The following SIVA1 variants were observed in gnomAD, a reference collection of about 807,000 sequenced individuals.
The protein encoded by SIVA1 is SIVA1 apoptosis inducing factor, also known as apoptosis regulatory protein Siva.
SIVA1 carries 10 observed loss-of-function variants against 19.7 expected under a neutral mutation model. The observed-to-expected ratio is 0.51, with a 90% CI of 0.31 to 0.86. SIVA1 has a LOEUF of 0.86. SIVA1 is among the 40% of genes least tolerant of loss of function. The pLI is 0.04. For synonymous variants in SIVA1, 130 were observed against 106.1 expected, an observed-to-expected ratio of 1.23 and a Z score of -1.39; for missense variants, 241 against 245.2, an observed-to-expected ratio of 0.98 and a Z score of 0.11.
chr14:104,753,194 C>T lies in SIVA1; in HGVS notation c.-8C>T, dbSNP rs1220799348. ...CCGGGGAGCTGCGTAGCTCCCGGCC[C>T]CGCGGCCATGCCCAAGCGGAGCTGC... On this transcript the variant is annotated 5_prime_UTR_variant, in exon 1 of 4. Transcript: ENST00000329967. 3.2e-6 allele frequency: 5 copies of T among 1,555,502 alleles called. No homozygotes were observed. Among genetic ancestry groups the T allele is most frequent in the South Asian group, 1.2e-5 (1 of 86,088 alleles).
Position 104,759,291 on chromosome 14 carries a change from C to G in SIVA1, c.471-137C>G. The stretch of plus-strand genomic sequence containing the variant: ...CCGTCATCTAGACTGATGATGCCCG[C>G]AGTGATCCTGTCTCCAGATAAGGTC... On this transcript the variant is annotated intron_variant, in intron 3 of 3. Coordinates refer to ENST00000329967, the MANE Select transcript of SIVA1 (RefSeq NM_006427.4). This position sits in a 1 kb window ranked among gnomAD's most constrained non-coding sequence, Gnocchi z 4.2. 1 of 668,022 alleles carries G rather than the reference C, an allele frequency of 1.5e-6. No individual in the cohort carries two copies. The highest frequency in any genetic ancestry group is 2.0e-5 in the South Asian group (1 of 51,010). The allele number at this position is 668,022 out of a possible 1,614,324, so 41.4% of individuals were successfully genotyped here.
intron 2 of SIVA1, 133 bp from the exon 3 acceptor site, chr14:104,756,471 T>C: frequency 5.3e-6 from 5 of 945,540 alleles, no homozygotes; most frequent in Non-Finnish European, 8.3e-6. Context: ...GTCAGAAGGA[T>C]CCAGTGTAGG....
At chr14:104,756,129 C>A (rs1393825945) in intron 2 of SIVA1, 2 of 527,136 alleles carry the variant, frequency 3.8e-6, no homozygotes, top group South Asian at 1.8e-5. Context: ...CAGTCCCATC[C>A]CTATGCAGTG....
chr14:104,756,214 G>A (rs1005492242), intron 2 of SIVA1: 2 of 436,856 alleles, frequency 4.6e-6, no homozygotes, highest in Non-Finnish European at 8.5e-6. Flanking sequence ...TGGTTGGTGT[G>A]TCTAGGAGGA....
At chr14:104,756,781 A>G in intron 3 of SIVA1, 21 bp downstream of exon 3, 5 of 1,593,400 alleles carry the variant, frequency 3.1e-6, no homozygotes, top group Non-Finnish European at 4.3e-6. Context: ...CAGTCCCTGG[A>G]GCTGCTGAGA....
At chr14:104,756,185 C>G in intron 2 of SIVA1, 1 of 443,490 alleles carries the variant, frequency 2.3e-6, no homozygotes, top group Non-Finnish European at 4.2e-6. Flanking sequence ...AAATGCAATC[C>G]CCGACTCTAC....
At chr14:104,753,415 G>A (rs915064147) in intron 1 of SIVA1, 96 bp downstream of exon 1, 4 of 822,238 alleles carry the variant, frequency 4.9e-6, no homozygotes, top group African/African-American at 3.6e-5. Context: ...GGGGGCTGGA[G>A]GGCCCTGCTT....
intron 1 of SIVA1, chr14:104,753,821 G>A (rs1451270404): frequency 5.5e-5 from 25 of 452,306 alleles, no homozygotes; most frequent in Non-Finnish European, 9.8e-5. Context: ...CCCGTCTCCC[G>A]GGAGCTCCCC....
Position 104,759,265 on chromosome 14 carries a change from G to GCCGTCATCTAGACTGATGATGC in SIVA1, c.471-159_471-138dup. 1.9e-6 allele frequency: 1 copy of GCCGTCATCTAGACTGATGATGC among 533,946 alleles called. No individual in the cohort carries two copies. The highest frequency in any genetic ancestry group is 3.3e-6 in the Non-Finnish European group (1 of 303,044). The allele number at this position is 533,946 out of a possible 1,614,324, so 33.1% of individuals were successfully genotyped here. A position where few individuals can be genotyped will look rare whatever the true frequency, so the allele number is the denominator to read the frequency against. Reference sequence around the variant, plus strand: ...GTTGCCTTAGGGCCCCCATGTCAGTGCCGTCATCTAGACTGATGATGCCCG... The same window carrying GCCGTCATCTAGACTGATGATGC: ...GTTGCCTTAGGGCCCCCATGTCAGTGCCGTCATCTAGACTGATGATGCCCGTCATCTAGACTGATGATGCCCG... On this transcript the variant is annotated intron_variant, in intron 3 of 3. Transcript: ENST00000329967. The surrounding 1 kb of genome is among the most constrained non-coding windows in gnomAD (Gnocchi z 4.2).
At chr14:104,758,633 G>A (rs1891986069) in intron 3 of SIVA1, 2 of 152,108 alleles carry the variant, frequency 1.3e-5, no homozygotes, top group African/African-American at 4.8e-5. Context: ...GGAGTTACAG[G>A]CGTGCGCTAG....
At position 104,755,640 on chromosome 14, in the gene SIVA1, G is replaced by T. The variant is rs749751578; in HGVS notation, c.129G>T (p.Lys43Asn). 2 of 1,612,384 alleles carry T rather than the reference G, an allele frequency of 1.2e-6. No homozygotes were observed. Among genetic ancestry groups the T allele is most frequent in the Non-Finnish European group, 1.7e-6 (2 of 1,179,710 alleles). ...RYSQEVFEKT[K>N]RLLFLGAQAY... is the part of the protein sequence containing the mutation. The stretch of plus-strand genomic sequence containing the variant: ...TTTATCTTCCCCCAGAGAAGACCAA[G>T]CGACTCCTGTTCCTCGGGGCCCAGG... The change falls in exon 2 of 4, where the codon AAG becomes AAT. Residue 43 changes from lysine to asparagine, a missense_variant. By Grantham distance (94) the Lys-to-Asn change is moderately conservative. Coordinates refer to ENST00000329967, the MANE Select transcript of SIVA1 (RefSeq NM_006427.4).
intron 3 of SIVA1, chr14:104,757,516 T>C (rs35165446): frequency 0.14 from 23,935 of 175,406 alleles, 1,901 homozygotes; most frequent in African/African-American, 0.23. Flanking sequence ...CGGAGAGCCC[T>C]GGGCAGGGGG....
rs1430547520 is a variant in SIVA1 at position 104,755,681 on chromosome 14, T to C, written c.170T>C (p.Val57Ala). The C allele has an allele frequency of 6.2e-7, 1 of 1,613,872 alleles. No homozygotes were observed. Among genetic ancestry groups the C allele is most frequent in the Middle Eastern group, 1.7e-4 (1 of 5,976 alleles). Residue 57 changes from valine to alanine, a missense_variant, in exon 2 of 4, where the codon GTG (valine) becomes GCG (alanine). Transcript: ENST00000329967. The stretch of plus-strand genomic sequence containing the variant: ...GGGGCCCAGGCCTACCTGGACCACG[T>C]GTGGGATGAAGGCTGTGCCGTCGTT... ...FLGAQAYLDHVWDEGCAVVHL... is the reference protein window; with the variant it reads ...FLGAQAYLDHAWDEGCAVVHL...
chr14:104,754,782 A>AAGGTGTGGGGGGCC, intron 1 of SIVA1, among the ~76,000 whole-genome samples: 1 of 152,062 alleles, frequency 6.6e-6, no homozygotes, highest in South Asian at 2.1e-4. Flanking sequence ...TAGATGGGGG[A>AAGGTGTGGGGGGCC]AGGTGTGGGG....
At chr14:104,757,817 G>GC (rs1446955390) in intron 3 of SIVA1, 2 of 152,426 alleles carry the variant, frequency 1.3e-5, no homozygotes, top group Non-Finnish European at 2.9e-5. Flanking sequence ...TGCGTGGCTG[G>GC]CCTCCCACTC....
intron 1 of SIVA1, chr14:104,753,839 T>C (rs777563291): frequency 2.4e-4 from 105 of 446,594 alleles, no homozygotes; most frequent in Non-Finnish European, 4.2e-4. Flanking sequence ...CCCAGCCTAG[T>C]TGGGGAGACC....
intron 1 of SIVA1, chr14:104,753,970 G>A: frequency 9.8e-6 from 3 of 305,334 alleles, no homozygotes; most frequent in South Asian, 7.3e-5. Flanking sequence ...GGGGCGAGTA[G>A]GAGTTAGCCA....
chr14:104,759,204 C>G lies in SIVA1; in HGVS notation c.471-224C>G, dbSNP rs901244023. The G allele has an allele frequency of 9.0e-6, 4 of 445,404 alleles. No homozygotes were observed. The highest frequency in any genetic ancestry group is 4.0e-5 in the African/African-American group (2 of 49,652). 27.6% of individuals were successfully genotyped at this position (445,404 alleles called of 1,614,324 possible). ...TCATGTCGTCTTCCTTCTCTGTGTC[C>G]TTCTCTTCACGTAGTCTTTTTAGGA... is the stretch of plus-strand genomic sequence containing the variant. On this transcript the variant is annotated intron_variant, in intron 3 of 3. Coordinates refer to ENST00000329967, the MANE Select transcript of SIVA1 (RefSeq NM_006427.4). This position sits in a 1 kb window ranked among gnomAD's most constrained non-coding sequence, Gnocchi z 4.2.
intron 2 of SIVA1, 116 bp downstream of exon 2, chr14:104,755,940 C>T (rs1370934851): frequency 3.9e-6 from 4 of 1,019,238 alleles, no homozygotes; most frequent in Non-Finnish European, 5.9e-6. Context: ...GGACTCTGAC[C>T]CAGAGCTTGG....
Sources: gnomAD v4.1 joint callset for allele counts (sites outside exome capture counted in the v4.1 genomes callset) on GRCh38, gnomAD v4.1.1 for gene constraint, Gnocchi (gnomAD v3.1) non-coding constraint, MANE v1.5 for transcripts, NCBI Gene and HGNC (gene_info 2026-07-23, HGNC 2026-07-21) for gene names.